The following VPS37A variants were observed in gnomAD, a reference collection of about 807,000 sequenced individuals.
The protein encoded by VPS37A is vacuolar protein sorting-associated protein 37A.
VPS37A carries 30 observed loss-of-function variants against 49.8 expected under a neutral mutation model. The observed-to-expected ratio is 0.60, with a 90% confidence interval of 0.45 to 0.82. The LOEUF (loss-of-function observed/expected upper bound fraction) is 0.82, where lower values mean the gene tolerates loss of function less well. VPS37A is among the 40% of genes least tolerant of loss of function. The probability of loss-of-function intolerance (pLI) is 0.00; values close to 1 mark genes in which losing one functional copy is unlikely to be tolerated. For synonymous variants in VPS37A, 195 were observed against 160.6 expected (o/e 1.21, Z -1.62); for missense variants, 593 against 464.4 (o/e 1.28, Z -2.55).
intron 11 of VPS37A, 108 bp downstream of exon 11, chr8:17,286,535 T>C (rs1243414975): frequency 1.2e-5 from 11 of 885,942 alleles, no homozygotes; most frequent in East Asian, 5.3e-5. Context: ...ATTCTGTCAT[T>C]ATAGTTACTG....
chr8:17,301,040 T>G (rs1186628157), downstream of VPS37A, among the ~76,000 whole-genome samples: 1 of 152,258 alleles, frequency 6.6e-6, no homozygotes, highest in Non-Finnish European at 1.5e-5. Flanking sequence ...ACACCTGGGT[T>G]GTTCAGAATA....
At chr8:17,252,232 G>T (rs1452577638) in intron 1 of VPS37A, among the ~76,000 whole-genome samples, 1 of 152,132 alleles carries the variant, frequency 6.6e-6, no homozygotes, top group Non-Finnish European at 1.5e-5. Context: ...GAGTGCAGTG[G>T]CACGATCACA....
At chr8:17,302,158 TC>T (rs1817159265), downstream of VPS37A, 1 of 1,614,168 alleles carries the variant, frequency 6.2e-7, no homozygotes, top group Non-Finnish European at 8.5e-7. Context: ...TCTTACTTCT[TC>T]CAGGGCCTCT....
At chr8:17,333,394 A>C in the VPS37A span, among the ~76,000 whole-genome samples, 1 of 152,232 alleles carries the variant, frequency 6.6e-6, no homozygotes, top group Non-Finnish European at 1.5e-5. Flanking sequence ...TATTTTTCAA[A>C]GATGTTGGTT....
intron 5 of VPS37A, among the ~76,000 whole-genome samples, chr8:17,275,715 A>G (rs1037259442): frequency 6.6e-6 from 1 of 152,210 alleles, no homozygotes; most frequent in African/African-American, 2.4e-5. Context: ...AAAGGGGTAT[A>G]AAACCTTTCA....
chr8:17,310,303 G>A, the VPS37A span, among the ~76,000 whole-genome samples: 25 of 152,168 alleles, frequency 1.6e-4, no homozygotes, highest in East Asian at 4.6e-3. Context: ...ACCCAGCCTG[G>A]ATTTTAAAAA....
chr8:17,248,389 C>CA, intron 1 of VPS37A: 1 of 455,680 alleles, frequency 2.2e-6, no homozygotes, highest in African/African-American at 2.0e-5. Flanking sequence ...CTCAGCTCCC[C>CA]ACACCCCTCC....
At chr8:17,254,701 A>G (rs1472087705) in intron 1 of VPS37A, among the ~76,000 whole-genome samples, 2 of 150,866 alleles carry the variant, frequency 1.3e-5, no homozygotes, top group African/African-American at 4.9e-5. Flanking sequence ...CTCAAAATTT[A>G]TCTGTATATG....
At chr8:17,274,569 TTATA>T (rs1322480304) in intron 4 of VPS37A, among the ~76,000 whole-genome samples, 160 bp from the exon 5 acceptor site, 2 of 152,142 alleles carry the variant, frequency 1.3e-5, no homozygotes, top group African/African-American at 4.8e-5. Context: ...TTTTACCACT[TTATA>T]TAATATTTAA....
intron 2 of VPS37A, among the ~76,000 whole-genome samples, chr8:17,266,383 T>A (rs1813456264): frequency 2.6e-5 from 4 of 152,184 alleles, no homozygotes. Context: ...ATATACTACA[T>A]CAACCAGAAA....
chr8:17,254,637 T>A (rs943669542), intron 1 of VPS37A, among the ~76,000 whole-genome samples: 1 of 152,160 alleles, frequency 6.6e-6, no homozygotes, highest in Non-Finnish European at 1.5e-5. Flanking sequence ...TTCTTCTTTT[T>A]TTTTTAAATG....
downstream of VPS37A, chr8:17,300,414 T>A (rs1489327727): frequency 1.6e-6 from 1 of 611,680 alleles, no homozygotes; most frequent in East Asian, 2.8e-5. Flanking sequence ...TTATCTCTAA[T>A]GTAAGGATAA....
downstream of VPS37A, among the ~76,000 whole-genome samples, chr8:17,300,467 G>T (rs1212534960): frequency 6.6e-6 from 1 of 152,066 alleles, no homozygotes; most frequent in Non-Finnish European, 1.5e-5. Flanking sequence ...AAACAATATA[G>T]CACAGTTGAA....
At chr8:17,284,423 A>C (rs530645441) in intron 9 of VPS37A, 50 bp from the exon 10 acceptor site, 2 of 1,521,022 alleles carry the variant, frequency 1.3e-6, no homozygotes, top group South Asian at 2.7e-5. Flanking sequence ...CCCTGTGAGG[A>C]GTTCTTGTGA....
At chr8:17,310,745 G>A in the VPS37A span, among the ~76,000 whole-genome samples, 1 of 152,168 alleles carries the variant, frequency 6.6e-6, no homozygotes, top group Non-Finnish European at 1.5e-5. Flanking sequence ...ACTCAATAAT[G>A]GAGACCCAGC....
intron 1 of VPS37A, among the ~76,000 whole-genome samples, chr8:17,257,957 G>A (rs112315784): frequency 0.023 from 3,522 of 152,144 alleles, 147 homozygotes; most frequent in African/African-American, 0.081. Flanking sequence ...ATATGTAAAT[G>A]CCACTAATTT....
chr8:17,332,758 T>C, the VPS37A span, among the ~76,000 whole-genome samples: 4 of 152,126 alleles, frequency 2.6e-5, no homozygotes, highest in Non-Finnish European at 5.9e-5. Flanking sequence ...CCATGACAAG[T>C]GAAAAGAGTA....
At chr8:17,248,664 A>C (rs1263246504) in intron 1 of VPS37A, among the ~76,000 whole-genome samples, 1 of 152,234 alleles carries the variant, frequency 6.6e-6, no homozygotes. Context: ...AAATGGAATA[A>C]TTTTTAATTA....
chr8:17,282,382 C>T (rs117154585), intron 9 of VPS37A, among the ~76,000 whole-genome samples: 1,768 of 152,018 alleles, frequency 0.012, 25 homozygotes, highest in Non-Finnish European at 0.019. Context: ...CAGCGGAAAC[C>T]ATAAAACGTC....
Sources: allele counts gnomAD v4.1 joint callset (sites outside exome capture counted in the v4.1 genomes callset), GRCh38; gene constraint gnomAD v4.1.1; transcripts MANE v1.5; gene names NCBI Gene and HGNC (gene_info 2026-07-23, HGNC 2026-07-21).